Variants in IFNL3 observed in about 807,000 individuals in gnomAD.
The protein encoded by IFNL3 is interferon lambda-3.
In IFNL3, 16 loss-of-function variants were observed where a neutral mutation model predicts 16.3. The ratio of observed to expected loss-of-function variants is 0.98; its 90% CI spans 0.67 to 1.50. IFNL3 has a LOEUF of 1.50. IFNL3 is among the 40% of genes most tolerant of loss of function. The pLI is 0.00. For synonymous variants in IFNL3, 115 were observed against 115.3 expected, an observed-to-expected ratio of 1.00 and a Z score of 0.02; for missense variants, 254 against 253.5, an observed-to-expected ratio of 1.00 and a Z score of -0.01.
intron 1 of IFNL3, 50 bp downstream of exon 1, chr19:39,244,738 G>A: frequency 6.3e-7 from 1 of 1,587,794 alleles, no homozygotes; most frequent in South Asian, 1.1e-5. Flanking sequence ...GGTGACCCTT[G>A]GAGTGCGGGT....
rs142118702 is a variant in IFNL3 at position 39,244,696 on chromosome 19, C to T, written c.180+92G>A. ...CCACTGCAGGGAGGGTGGAGGCTAG[C>T]CCAGTGAAGGAAGCTGGGAGTGGGA... On this transcript the variant is annotated intron_variant, in intron 1 of 4. Transcript: ENST00000413851. The T allele has an allele frequency of 1.9e-3, 2,867 of 1,507,322 alleles. 58 individuals carry two copies. In the African/African-American group the frequency reaches 0.034, roughly 18 times the overall value. 93.4% of individuals were successfully genotyped at this position (1,507,322 alleles called of 1,614,324 possible).
chr19:39,244,690 G>A, intron 1 of IFNL3, 98 bp downstream of exon 1: 3 of 1,486,704 alleles, frequency 2.0e-6, no homozygotes, highest in Non-Finnish European at 2.7e-6. Flanking sequence ...GGAGGGTGGA[G>A]GCTAGCCCAG....
chr19:39,243,738 G>A lies in IFNL3; in HGVS notation c.493-8C>T. 2 of 1,612,856 alleles carry A rather than the reference G, an allele frequency of 1.2e-6. No individual in the cohort carries two copies. The highest frequency in any genetic ancestry group is 1.7e-6 in the Non-Finnish European group (2 of 1,179,498). Reference sequence around the variant, plus strand: ...GAGGCAGCCAGGGGACTCCTGTAGGGAGGAGGGGATGGGTCAGGGGCTGTC... The same window carrying A: ...GAGGCAGCCAGGGGACTCCTGTAGGAAGGAGGGGATGGGTCAGGGGCTGTC... On this transcript the variant is annotated splice_polypyrimidine_tract_variant and splice_region_variant and intron_variant, in intron 4 of 4. Coordinates refer to ENST00000413851, the MANE Select transcript of IFNL3 (RefSeq NM_172139.4).
In IFNL3 at chr19:39,244,152, C is replaced by T; in HGVS notation, c.264G>A (p.Arg88=). Reference sequence around the variant, plus strand: ...CAGCCTCCAAAGCCACGGGGCGCTCCCTCACCTGAGGAGAGGTGAGAAAGA... The same window carrying T: ...CAGCCTCCAAAGCCACGGGGCGCTCTCTCACCTGAGGAGAGGTGAGAAAGA... ...RTWDLRQLQV[R]ERPVALEAEL... The change falls in exon 3 of 5, where the codon AGG becomes AGA. Residue 88 remains arginine (R), a synonymous_variant. Transcript: ENST00000413851. The T allele has an allele frequency of 1.2e-6, 2 of 1,614,134 alleles. No homozygotes were observed. Among genetic ancestry groups the T allele is most frequent in the African/African-American group, 2.7e-5 (2 of 75,034 alleles).
chr19:39,244,260 G>C lies in IFNL3; in HGVS notation c.259-103C>G, dbSNP rs949808214. 115 of 1,537,516 alleles carry C rather than the reference G, an allele frequency of 7.5e-5. 2 individuals are homozygous for C. The Middle Eastern group carries it at 1.7e-3, about 23-fold the overall frequency. ...GTGAAGGTGACAGGCACAGGGGAGA[G>C]GGCACAGCCAGTGTGGTCAGGTAGG... is the stretch of plus-strand genomic sequence containing the variant. On this transcript the variant is annotated intron_variant, in intron 2 of 4. Coordinates refer to ENST00000413851, the MANE Select transcript of IFNL3 (RefSeq NM_172139.4).
chr19:39,244,179 C>T, intron 2 of IFNL3, 22 bp from the exon 3 acceptor site: 1 of 1,613,558 alleles, frequency 6.2e-7, no homozygotes, highest in African/African-American at 1.3e-5. Flanking sequence ...TGAGAAAGAG[C>T]AGGTGAGGGG....
chr19:39,245,016 A>C (rs1217220926), upstream of IFNL3: 1 of 1,613,200 alleles, frequency 6.2e-7, no homozygotes, highest in African/African-American at 1.3e-5. Context: ...GAGGCTGCCC[A>C]CTGAGGGCAG....
Position 39,244,397 on chromosome 19 carries a change from G to A in IFNL3, c.258+20C>T, listed in dbSNP as rs200144530. 1 of 1,608,582 alleles carries A rather than the reference G, an allele frequency of 6.2e-7. No individual in the cohort carries two copies. Among genetic ancestry groups the A allele is most frequent in the Non-Finnish European group, 8.5e-7 (1 of 1,177,334 alleles). On this transcript the variant is annotated intron_variant, in intron 2 of 4. Transcript: ENST00000413851. ...GAGCAGGGCTGGGAGGGCAGGGGTG[G>A]GCCTGACTCCCCCTCTCACCTGCAG...
At chr19:39,244,285 G>C (rs1283798704) in intron 2 of IFNL3, 128 bp from the exon 3 acceptor site, 1 of 1,485,774 alleles carries the variant, frequency 6.7e-7, no homozygotes, top group Non-Finnish European at 9.2e-7. Context: ...GGTCAGGTAG[G>C]AGCAGAGGGA....
rs1226972736 is a variant in IFNL3 at position 39,243,564 on chromosome 19, G to A, written c.*68C>T. 7.4e-6 allele frequency: 11 copies of A among 1,489,844 alleles called. No individual in the cohort carries two copies. The highest frequency in any genetic ancestry group is 1.4e-5 in the African/African-American group (1 of 71,400). 92.3% of individuals were successfully genotyped at this position (1,489,844 alleles called of 1,614,324 possible). The stretch of plus-strand genomic sequence containing the variant: ...ACACAAATACATAAATAGCGACTGG[G>A]TGACAATAAATTAAGCCAAGTGGCT... On this transcript the variant is annotated 3_prime_UTR_variant, in exon 5 of 5. Coordinates refer to ENST00000413851, the MANE Select transcript of IFNL3 (RefSeq NM_172139.4).
intron 3 of IFNL3, 36 bp from the exon 4 acceptor site, chr19:39,243,943 C>T (rs368572576): frequency 6.2e-7 from 1 of 1,611,920 alleles, no homozygotes; most frequent in Admixed American, 1.7e-5. Context: ...GAGCCGGGGC[C>T]TTGGCCAGGG....
At chr19:39,243,476 T>G, downstream of IFNL3, 4 of 929,842 alleles carry the variant, frequency 4.3e-6, no homozygotes, top group Non-Finnish European at 6.4e-6. Flanking sequence ...CATTGTTTAT[T>G]TCAACAAGGA....
At chr19:39,244,366 C>G in intron 2 of IFNL3, 51 bp downstream of exon 2, 1 of 1,589,794 alleles carries the variant, frequency 6.3e-7, no homozygotes. Context: ...CACTACAGAG[C>G]CAGGTGAGCA....
In IFNL3 at chr19:39,244,896, G is replaced by A. The variant is rs200909158; in HGVS notation, c.72C>T (p.Val24=). 17 of 1,614,014 alleles carry A rather than the reference G, an allele frequency of 1.1e-5. No individual in the cohort carries two copies. The highest frequency in any genetic ancestry group is 1.2e-5 in the Non-Finnish European group (14 of 1,179,874). Residue 24 remains valine, a synonymous_variant, in exon 1 of 5, where the codon GTC becomes GTT. Coordinates refer to ENST00000413851, the MANE Select transcript of IFNL3 (RefSeq NM_172139.4). ...CCGGGAGAGCCCCGCGGAGCCTGGC[G>A]ACAGGAACTGCTCCAGTCACGGTCA... ...AVLTVTGAVP[V]ARLRGALPDA... is the part of the protein sequence containing the mutation.
Position 39,244,990 on chromosome 19 carries a change from G to A in IFNL3, c.-23C>T, listed in dbSNP as rs377212766. ...CATGTCTGTGTCACAGAGAGAAAGGGAGCTGAGGGAATGCAGAGGCTGCCC... is the reference window on the plus strand; with the variant it reads ...CATGTCTGTGTCACAGAGAGAAAGGAAGCTGAGGGAATGCAGAGGCTGCCC... On this transcript the variant is annotated 5_prime_UTR_variant, in exon 1 of 5. Coordinates refer to ENST00000413851, the MANE Select transcript of IFNL3 (RefSeq NM_172139.4). The A allele has an allele frequency of 6.2e-7, 1 of 1,613,966 alleles. No homozygotes were observed. Among genetic ancestry groups the A allele is most frequent in the South Asian group, 1.1e-5 (1 of 91,080 alleles).
rs1362144650 is a variant in IFNL3, at chr19:39,244,815, C to T, written c.153G>A (p.Gln51=). The change falls in exon 1 of 5, where the codon CAG becomes CAA. Residue 51 remains glutamine (Q), a synonymous_variant. Transcript: ENST00000413851. ...QFKSLSPQEL[Q]AFKRAKDALE... ...AGGCATCTTTGGCCCTCTTAAAGGC[C>T]TGCAGCTCCTGTGGAGACAGGGACT... 6.2e-6 allele frequency: 10 copies of T among 1,613,772 alleles called. No homozygotes were observed. Among genetic ancestry groups the T allele is most frequent in the Non-Finnish European group, 8.5e-6 (10 of 1,179,772 alleles).
Position 39,244,099 on chromosome 19 carries a change from T to G in IFNL3, c.317A>C (p.Glu106Ala). 6.2e-7 allele frequency: 1 copy of G among 1,614,038 alleles called. No individual in the cohort carries two copies. Among genetic ancestry groups the G allele is most frequent in the South Asian group, 1.1e-5 (1 of 91,080 alleles). The part of the protein sequence containing the change: ...AELALTLKVL[E>A]ATADTDPALG... ...GGCTGGGTCAGTGTCAGCGGTGGCC[T>G]CCAGAACCTTCAGCGTCAGGGCCAG... is the stretch of plus-strand genomic sequence containing the variant. Residue 106 changes from glutamate to alanine, a missense_variant, in exon 3 of 5, where the codon GAG becomes GCG. Glu to Ala is a moderately radical substitution (Grantham distance 107). Coordinates refer to ENST00000413851, the MANE Select transcript of IFNL3 (RefSeq NM_172139.4).
At position 39,244,009 on chromosome 19, in the gene IFNL3, C is replaced by T. The variant is rs767101992; in HGVS notation, c.407G>A (p.Cys136Tyr). The T allele has an allele frequency of 3.7e-6, 6 of 1,613,482 alleles. No homozygotes were observed. The highest frequency in any genetic ancestry group is 5.1e-6 in the Non-Finnish European group (6 of 1,179,618). ...LHHILSQLRA[C>Y]IQPQPTAGPR... ...GGTGCCCGGGCCCTGACGACTCACACAGGCCCGGAGCTGGGAGAGGATATG... is the reference window on the plus strand; with the variant it reads ...GGTGCCCGGGCCCTGACGACTCACATAGGCCCGGAGCTGGGAGAGGATATG... Residue 136 changes from cysteine to tyrosine, a missense_variant and splice_region_variant, in exon 3 of 5, where the codon TGT (cysteine) becomes TAT (tyrosine). Transcript: ENST00000413851.
chr19:39,244,428 T>C lies in IFNL3; in HGVS notation c.247A>G (p.Arg83Gly), dbSNP rs199847794. ...SRLFPRTWDL[R>G]QLQVRERPVA... is the part of the protein sequence containing the mutation. ...ACTCCCCCTCTCACCTGCAGCTGCC[T>C]CAGGTCCCAGGTCCTGGGGAAGAGG... The change falls in exon 2 of 5, where the codon AGG (arginine) becomes GGG (glycine). Residue 83 changes from arginine to glycine, a missense_variant. By Grantham distance (125) the Arg-to-Gly change is moderately radical. Transcript: ENST00000413851. 65 of 1,611,766 alleles carry C rather than the reference T, an allele frequency of 4.0e-5. No homozygotes were observed. The South Asian group carries it at 6.8e-4, about 17-fold the overall frequency.
Sources: allele counts gnomAD v4.1 joint callset, GRCh38; gene constraint gnomAD v4.1.1; transcripts MANE v1.5; gene names NCBI Gene and HGNC (gene_info 2026-07-23, HGNC 2026-07-21).